The following FUNDC1 variants were observed in gnomAD, a reference collection of about 807,000 sequenced individuals.
FUNDC1 encodes the protein FUN14 domain-containing protein 1.
FUNDC1 carries 10 observed loss-of-function variants against 14.5 expected under a neutral mutation model. The ratio of observed to expected loss-of-function variants is 0.69; its 90% CI spans 0.43 to 1.17. FUNDC1 has a LOEUF of 1.17. Among genes scored for constraint, FUNDC1 ranks in the 50% most tolerant of loss-of-function variants. The pLI is 0.00. For missense variants in FUNDC1, 115 were observed against 113.8 expected (o/e 1.01, Z -0.05); for synonymous variants, 33 against 39.7 (o/e 0.83, Z 0.64).
chrX:44,542,563 CGGAG>C (rs1208910689), intron 1 of FUNDC1, among the ~76,000 whole-genome samples: 1 of 108,380 alleles, frequency 9.2e-6, no homozygotes, highest in African/African-American at 3.4e-5. Flanking sequence ...GATGAAGGGC[CGGAG>C]GTGAAGGTAA....
intron 3 of FUNDC1, among the ~76,000 whole-genome samples, chrX:44,528,131 C>G (rs1426717802): frequency 8.9e-6 from 1 of 112,026 alleles, no homozygotes; most frequent in Admixed American, 9.6e-5. Flanking sequence ...GCCATATATA[C>G]CATTATAAAT....
At chrX:44,534,132 T>A in intron 3 of FUNDC1, among the ~76,000 whole-genome samples, 2 of 101,238 alleles carry the variant, frequency 2.0e-5, no homozygotes, top group Non-Finnish European at 2.0e-5. Context: ...TCCCAGAAAA[T>A]AGACCAAAAA....
At chrX:44,541,020 A>G (rs1021870470) in intron 2 of FUNDC1, among the ~76,000 whole-genome samples, 19 of 112,345 alleles carry the variant, frequency 1.7e-4, no homozygotes, top group Admixed American at 6.7e-4. Context: ...GGCATAGAAG[A>G]GTGGGTCATT....
chrX:44,542,469 T>C (rs1356439105), intron 1 of FUNDC1, among the ~76,000 whole-genome samples: 1 of 110,505 alleles, frequency 9.0e-6, no homozygotes, highest in Non-Finnish European at 1.9e-5. Context: ...GGAGGGGTCC[T>C]CCTGAGAGAA....
intron 3 of FUNDC1, among the ~76,000 whole-genome samples, chrX:44,533,658 C>T (rs867185195): frequency 1.2e-5 from 1 of 81,731 alleles, no homozygotes; most frequent in Admixed American, 1.3e-4. Context: ...AACAACAAAA[C>T]AACAACAACA....
intron 2 of FUNDC1, among the ~76,000 whole-genome samples, chrX:44,541,682 T>C (rs764619414): frequency 9.0e-6 from 1 of 110,990 alleles, no homozygotes; most frequent in East Asian, 2.8e-4. Context: ...TTGCTGAACA[T>C]GAGAATGGGG....
chrX:44,528,869 T>C (rs1250734321), intron 3 of FUNDC1, among the ~76,000 whole-genome samples: 1 of 110,816 alleles, frequency 9.0e-6, no homozygotes, highest in African/African-American at 3.3e-5. Context: ...GCTGATTTTT[T>C]GTTTTTTAGT....
In FUNDC1 at chrX:44,538,482, G is replaced by A. The variant is rs776531538; in HGVS notation, c.246C>T (p.Gly82=). The A allele has an allele frequency of 4.1e-6, 5 of 1,206,565 alleles. No individual in the cohort carries two copies. The highest frequency in any genetic ancestry group is 4.5e-6 in the Non-Finnish European group (4 of 890,935). Reference sequence around the variant, plus strand: ...TCTGACATACCTGAAGAAGAAGAAAGCCACCACCTACTGCAGTTGCTGCAA... The same window carrying A: ...TCTGACATACCTGAAGAAGAAGAAAACCACCACCTACTGCAGTTGCTGCAA... The part of the protein sequence containing the change: ...GKLAATAVGG[G]FLLLQIASHS... The change falls in exon 3 of 5, where the codon GGC becomes GGT. Residue 82 remains glycine (G), a synonymous_variant. Transcript: ENST00000378045.
chrX:44,539,457 CAT>C (rs1472206532), intron 2 of FUNDC1, among the ~76,000 whole-genome samples: 1 of 111,235 alleles, frequency 9.0e-6, no homozygotes, highest in African/African-American at 3.3e-5. Flanking sequence ...GGGAAGACGA[CAT>C]GTGAGGACAA....
chrX:44,527,225 A>G lies in FUNDC1; in HGVS notation c.390+12T>C. On this transcript the variant is annotated intron_variant, in intron 4 of 4. Coordinates refer to ENST00000378045, the MANE Select transcript of FUNDC1 (RefSeq NM_173794.4). ...AAAAAAAAAAAAAAGTCAAAATTAT[A>G]TATCATCTTACTTCTTCAATTAAAT... 6 of 1,139,922 alleles carry G rather than the reference A, an allele frequency of 5.3e-6. No homozygotes were observed. Among genetic ancestry groups the G allele is most frequent in the African/African-American group, 1.8e-5 (1 of 54,529 alleles). 93.9% of individuals were successfully genotyped at this position (1,139,922 alleles called of 1,213,427 possible). A position where few individuals can be genotyped will look rare whatever the true frequency, so the allele number is the denominator to read the frequency against.
At chrX:44,524,311 T>C (rs1448864021) in intron 4 of FUNDC1, 36 bp from the exon 5 acceptor site, 1 of 938,293 alleles carries the variant, frequency 1.1e-6, no homozygotes, top group African/African-American at 1.9e-5. Context: ...CTCTTAATTA[T>C]GCTACAACAG....
Position 44,542,797 on chromosome X carries a change from C to T in FUNDC1, c.28+8G>A, listed in dbSNP as rs760277587. ...TCCCAGATACCACTTCGGGCCCTGG[C>T]CGCTCACCTTGGGGAGGGGGGTTCC... On this transcript the variant is annotated splice_region_variant and intron_variant, in intron 1 of 4. Transcript: ENST00000378045. 6 of 1,165,682 alleles carry T rather than the reference C, an allele frequency of 5.1e-6. No individual in the cohort carries two copies. The highest frequency in any genetic ancestry group is 6.9e-6 in the Non-Finnish European group (6 of 872,240).
At chrX:44,537,554 T>C (rs2038953738) in intron 3 of FUNDC1, among the ~76,000 whole-genome samples, 1 of 111,833 alleles carries the variant, frequency 8.9e-6, no homozygotes, top group African/African-American at 3.2e-5. Flanking sequence ...AAAGAAAACA[T>C]ATATATTTTT....
rs746300727 is a variant in FUNDC1, at chrX:44,541,935, T to C, written c.185+10A>G. 3.3e-6 allele frequency: 4 copies of C among 1,197,247 alleles called. No homozygotes were observed. The highest frequency in any genetic ancestry group is 4.5e-6 in the Non-Finnish European group (4 of 888,712). Reference sequence around the variant, plus strand: ...CAAATGAAATTTAATGAAAAAGACGTTGTTCTCACCAGCCAGTAACGCCAC... The same window carrying C: ...CAAATGAAATTTAATGAAAAAGACGCTGTTCTCACCAGCCAGTAACGCCAC... On this transcript the variant is annotated intron_variant, in intron 2 of 4. Coordinates refer to ENST00000378045, the MANE Select transcript of FUNDC1 (RefSeq NM_173794.4).
intron 3 of FUNDC1, among the ~76,000 whole-genome samples, chrX:44,533,786 G>A (rs1024018976): frequency 2.7e-5 from 3 of 109,254 alleles, no homozygotes; most frequent in Non-Finnish European, 3.8e-5. Flanking sequence ...AACAACAGCC[G>A]GGCATGGTGG....
At chrX:44,531,202 C>G (rs1319560644) in intron 3 of FUNDC1, among the ~76,000 whole-genome samples, 2 of 106,400 alleles carry the variant, frequency 1.9e-5, no homozygotes, top group Non-Finnish European at 3.9e-5. Context: ...ATGGTCACGC[C>G]ACTGCACTCC....
intron 4 of FUNDC1, 130 bp downstream of exon 4, chrX:44,527,107 A>G (rs1316421120): frequency 2.3e-6 from 1 of 432,929 alleles, no homozygotes; most frequent in East Asian, 4.1e-5. Context: ...TTAACACTCT[A>G]GATATATAAC....
In FUNDC1 at chrX:44,527,112, T is replaced by C. The variant is rs192972712; in HGVS notation, c.390+125A>G. On this transcript the variant is annotated intron_variant, in intron 4 of 4. Transcript: ENST00000378045. ...CAAATTTTACTTAACACTCTAGATA[T>C]ATAACCAAAAACACCATTTTTAAAA... 3 of 450,653 alleles carry C rather than the reference T, an allele frequency of 6.7e-6. No homozygotes were observed. The Admixed American group carries it at 1.5e-4, about 22-fold the overall frequency. The allele number at this position is 450,653 out of a possible 1,213,427, so 37.1% of individuals were successfully genotyped here.
intron 4 of FUNDC1, among the ~76,000 whole-genome samples, 160 bp downstream of exon 4, chrX:44,527,077 G>A (rs2038905358): frequency 9.3e-6 from 1 of 107,540 alleles, no homozygotes; most frequent in Admixed American, 1.0e-4. Context: ...TTTAAGTAGT[G>A]GTGTGATCTC....
Sources: gnomAD v4.1 joint callset for allele counts (sites outside exome capture counted in the v4.1 genomes callset) on GRCh38, gnomAD v4.1.1 for gene constraint, MANE v1.5 for transcripts, NCBI Gene and HGNC (gene_info 2026-07-23, HGNC 2026-07-21) for gene names.